Variants in FBXL17 observed in about 807,000 individuals in gnomAD.
FBXL17 encodes F-box and leucine rich repeat protein 17, also known as F-box/LRR-repeat protein 17.
Under a neutral mutation model 66.2 loss-of-function variants are expected in FBXL17, and 22 were observed. The ratio of observed to expected loss-of-function variants is 0.33; its 90% confidence interval spans 0.24 to 0.47. The LOEUF (loss-of-function observed/expected upper bound fraction) is 0.47, where lower values mean the gene tolerates loss of function less well. Ranked by LOEUF, FBXL17 falls within the 20% of genes least tolerant of loss-of-function variation. FBXL17 has a pLI of 1.00. For synonymous variants in FBXL17, 474 were observed against 400.5 expected, an observed-to-expected ratio of 1.18 and a Z score of -2.19; for missense variants, 878 against 948.2, an observed-to-expected ratio of 0.93 and a Z score of 0.97.
intron 5 of FBXL17, among the ~76,000 whole-genome samples, chr5:108,204,799 T>C (rs1278760158): frequency 6.7e-6 from 1 of 149,102 alleles, no homozygotes; most frequent in Non-Finnish European, 1.5e-5. Context: ...TTAATTTTTT[T>C]ACCCCTTAAA....
chr5:108,002,899 T>C (rs1335978746), intron 7 of FBXL17, among the ~76,000 whole-genome samples: 3 of 152,290 alleles, frequency 2.0e-5, no homozygotes, highest in Non-Finnish European at 4.4e-5. Flanking sequence ...TTGCCTGAAA[T>C]TGAACAGGAA....
intron 7 of FBXL17, among the ~76,000 whole-genome samples, chr5:108,014,438 A>G (rs1245818904): frequency 2.0e-5 from 3 of 152,162 alleles, no homozygotes; most frequent in Non-Finnish European, 2.9e-5. Flanking sequence ...AAAAACGACT[A>G]AATGTGAAGC....
intron 5 of FBXL17, among the ~76,000 whole-genome samples, chr5:108,208,647 T>C (rs1686325393): frequency 6.6e-6 from 1 of 152,194 alleles, no homozygotes; most frequent in Non-Finnish European, 1.5e-5. Context: ...TTCTTAGGTC[T>C]CTGTTCTGTT....
chr5:107,888,876 G>T (rs1749095484), intron 7 of FBXL17, among the ~76,000 whole-genome samples: 1 of 152,026 alleles, frequency 6.6e-6, no homozygotes, highest in Non-Finnish European at 1.5e-5. Flanking sequence ...TGGGTCACAT[G>T]GTAAGTGTTA....
chr5:108,072,221 A>C (rs1748361314), intron 6 of FBXL17, among the ~76,000 whole-genome samples: 1 of 152,140 alleles, frequency 6.6e-6, no homozygotes, highest in African/African-American at 2.4e-5. Context: ...ACTTAACTAT[A>C]CCTAGCTAAA....
intron 8 of FBXL17, among the ~76,000 whole-genome samples, chr5:107,866,942 G>C (rs1255061301): frequency 6.6e-6 from 1 of 152,058 alleles, no homozygotes; most frequent in Non-Finnish European, 1.5e-5. Flanking sequence ...TATTCTTGCT[G>C]GTTTTGTTCA....
At chr5:108,332,306 A>C (rs1449902986) in intron 4 of FBXL17, among the ~76,000 whole-genome samples, 1 of 152,176 alleles carries the variant, frequency 6.6e-6, no homozygotes, top group Non-Finnish European at 1.5e-5. Context: ...ACCACAGTAT[A>C]TCATGAACCA....
chr5:107,894,287 G>T lies in FBXL17; in HGVS notation c.1823-13108C>A, dbSNP rs549401631. Among the ~76,000 whole-genome samples, 6 of 152,308 alleles carry T rather than the reference G, an allele frequency of 3.9e-5. No individual in the cohort carries two copies. In the East Asian group the frequency reaches 9.6e-4, roughly 24 times the overall value. ...ATCAGTGTCATGAGACAGGGAAGAA[G>T]CAGCCTGTAATTACTTTGAAAGGAA... On this transcript the variant is annotated intron_variant, in intron 7 of 8. Coordinates refer to ENST00000542267, the MANE Select transcript of FBXL17 (RefSeq NM_001163315.3).
In FBXL17 at chr5:108,381,940, G is replaced by C. The variant is rs1580943133; in HGVS notation, c.-249C>G. On this transcript the variant is annotated 5_prime_UTR_variant, in exon 1 of 9. Transcript: ENST00000542267. ...GGGAGAACGATGGGCGCGAGCTTTG[G>C]GGACGCGAGGGAGGGAGCGAGCGAG... The C allele has an allele frequency of 8.0e-7, 1 of 1,247,994 alleles. No individual in the cohort carries two copies. The highest frequency in any genetic ancestry group is 1.0e-6 in the Non-Finnish European group (1 of 995,094). The allele number at this position is 1,247,994 out of a possible 1,614,324, so 77.3% of individuals were successfully genotyped here.
chr5:108,299,764 T>C (rs1283709740), intron 4 of FBXL17: 1 of 984,696 alleles, frequency 1.0e-6, no homozygotes, highest in Non-Finnish European at 1.2e-6. Context: ...AAGCAGTGCA[T>C]GTGAAATTCG....
intron 7 of FBXL17, among the ~76,000 whole-genome samples, chr5:107,886,377 A>G (rs1369407798): frequency 1.3e-5 from 2 of 152,130 alleles, no homozygotes; most frequent in Non-Finnish European, 2.9e-5. Context: ...TCTATTTCTT[A>G]GCTCTTTCTG....
intron 5 of FBXL17, among the ~76,000 whole-genome samples, chr5:108,210,227 GTCTA>G (rs1376189142): frequency 6.6e-6 from 1 of 151,878 alleles, no homozygotes; most frequent in Non-Finnish European, 1.5e-5. Flanking sequence ...CTGGCTTGTG[GTCTA>G]TCTATTTTGT....
intron 6 of FBXL17, among the ~76,000 whole-genome samples, chr5:108,051,851 C>T (rs769239959): frequency 9.9e-5 from 15 of 152,114 alleles, no homozygotes; most frequent in Non-Finnish European, 2.1e-4. Flanking sequence ...TGGCTCACAC[C>T]TGTAATCCCA....
intron 5 of FBXL17, among the ~76,000 whole-genome samples, chr5:108,202,120 T>A (rs1053352062): frequency 6.6e-6 from 1 of 152,172 alleles, no homozygotes; most frequent in Non-Finnish European, 1.5e-5. Context: ...CTCTTCATTT[T>A]ATATTTATAT....
chr5:108,160,161 T>G (rs1580533320), intron 6 of FBXL17, among the ~76,000 whole-genome samples: 1 of 152,330 alleles, frequency 6.6e-6, no homozygotes. Context: ...AAATTTATGA[T>G]GAGCCACAAT....
chr5:108,147,864 A>T (rs1751619548), intron 6 of FBXL17, among the ~76,000 whole-genome samples: 1 of 152,172 alleles, frequency 6.6e-6, no homozygotes, highest in Non-Finnish European at 1.5e-5. Flanking sequence ...TCTTAATAGC[A>T]AGAAAGAGTA....
intron 8 of FBXL17, chr5:107,878,111 T>A (rs953893455): frequency 1.0e-4 from 39 of 372,646 alleles, no homozygotes; most frequent in Non-Finnish European, 1.4e-4. Flanking sequence ...ACGGAGGCAT[T>A]AGTTTTTCCA....
chr5:108,055,293 A>C (rs1323665408), intron 6 of FBXL17, among the ~76,000 whole-genome samples: 68 of 60,494 alleles, frequency 1.1e-3, no homozygotes, highest in African/African-American at 5.9e-3. Flanking sequence ...AAAAAAAAAA[A>C]AAAAAAAAAA....
At chr5:108,215,145 CT>C (rs1754545537) in intron 5 of FBXL17, among the ~76,000 whole-genome samples, 1 of 152,126 alleles carries the variant, frequency 6.6e-6, no homozygotes, top group Admixed American at 6.5e-5. Flanking sequence ...CACATTTTAG[CT>C]GTTGTGTATG....
Sources: gnomAD v4.1 joint callset for allele counts (sites outside exome capture counted in the v4.1 genomes callset) on GRCh38, gnomAD v4.1.1 for gene constraint, MANE v1.5 for transcripts, NCBI Gene and HGNC (gene_info 2026-07-23, HGNC 2026-07-21) for gene names.